Variants in DCC observed in about 807,000 individuals in gnomAD.
DCC encodes the protein netrin receptor DCC.
Under a neutral mutation model 172.5 loss-of-function variants are expected in DCC, and 58 were observed. The observed-to-expected ratio is 0.34, with a 90% CI of 0.27 to 0.42. DCC has a LOEUF of 0.42. DCC is among the 10% of genes least tolerant of loss of function. DCC has a pLI of 1.00. For missense variants in DCC, 1,740 were observed against 1,791.0 expected (o/e 0.97, Z 0.51); for synonymous variants, 709 against 644.5 (o/e 1.10, Z -1.52).
At chr18:52,785,782 T>G (rs1025711567) in intron 2 of DCC, among the ~76,000 whole-genome samples, 1 of 152,098 alleles carries the variant, frequency 6.6e-6, no homozygotes, top group African/African-American at 2.4e-5. Flanking sequence ...CTTGGCTAAA[T>G]CTTTCCTGCA....
intron 2 of DCC, among the ~76,000 whole-genome samples, chr18:52,868,702 T>G (rs921746032): frequency 6.6e-6 from 1 of 152,236 alleles, no homozygotes; most frequent in African/African-American, 2.4e-5. Flanking sequence ...TTAGGCCTGC[T>G]GGGCTCATTC....
chr18:52,420,868 G>A (rs925268003), intron 1 of DCC, among the ~76,000 whole-genome samples: 8 of 152,052 alleles, frequency 5.3e-5, no homozygotes, highest in African/African-American at 1.9e-4. Context: ...AGAGGAGAGT[G>A]TTAGCATCTG....
At chr18:52,459,426 C>A (rs182908581) in intron 1 of DCC, among the ~76,000 whole-genome samples, 127 of 151,760 alleles carry the variant, frequency 8.4e-4, no homozygotes, top group Non-Finnish European at 9.1e-4. Context: ...ATTTAGCTCC[C>A]ATTTATAAGT....
chr18:53,398,953 A>G (rs2145028451), intron 18 of DCC, among the ~76,000 whole-genome samples: 1 of 152,212 alleles, frequency 6.6e-6, no homozygotes, highest in Non-Finnish European at 1.5e-5. Flanking sequence ...GAATAAAATA[A>G]CTCTAAAGTT....
At chr18:52,674,706 T>C (rs1254238059) in intron 1 of DCC, among the ~76,000 whole-genome samples, 1 of 152,192 alleles carries the variant, frequency 6.6e-6, no homozygotes, top group African/African-American at 2.4e-5. Flanking sequence ...CCCAAATAAA[T>C]CCTACTTTAG....
intron 1 of DCC, among the ~76,000 whole-genome samples, chr18:52,733,002 A>G (rs780112415): frequency 2.0e-5 from 3 of 152,172 alleles, no homozygotes; most frequent in Admixed American, 6.5e-5. Flanking sequence ...TGCTAAGTCA[A>G]TCTTCTGTAA....
At chr18:53,138,783 A>G (rs112630680) in intron 7 of DCC, among the ~76,000 whole-genome samples, 2,344 of 152,310 alleles carry the variant, frequency 0.015, 37 homozygotes, top group African/African-American at 0.035. Flanking sequence ...TAAAGCTGCT[A>G]CTCTGATAAG....
intron 7 of DCC, among the ~76,000 whole-genome samples, chr18:53,135,061 T>C (rs1350840101): frequency 6.6e-6 from 1 of 152,132 alleles, no homozygotes; most frequent in African/African-American, 2.4e-5. Flanking sequence ...CTCTTATTCA[T>C]TTGTTTTAGT....
chr18:52,475,668 C>T (rs925949109), intron 1 of DCC, among the ~76,000 whole-genome samples: 1 of 152,052 alleles, frequency 6.6e-6, no homozygotes, highest in Non-Finnish European at 1.5e-5. Flanking sequence ...TCTGTCATAC[C>T]TTTCCGAGCT....
At chr18:53,310,196 G>C (rs1219695125) in intron 13 of DCC, among the ~76,000 whole-genome samples, 2 of 152,006 alleles carry the variant, frequency 1.3e-5, no homozygotes, top group Admixed American at 6.6e-5. Context: ...CATACTTGTA[G>C]ATTGGCTTTG....
chr18:53,125,437 C>T (rs1027049672), intron 7 of DCC, among the ~76,000 whole-genome samples: 1 of 152,046 alleles, frequency 6.6e-6, no homozygotes, highest in African/African-American at 2.4e-5. Context: ...TTGGAAAGTT[C>T]TTGCATGGTG....
chr18:52,966,245 A>C (rs1353612849), intron 5 of DCC, among the ~76,000 whole-genome samples: 1 of 152,198 alleles, frequency 6.6e-6, no homozygotes. Flanking sequence ...ATTGCTTATA[A>C]ACTCTGCTAA....
At chr18:53,001,729 G>A (rs2041566879) in intron 5 of DCC, among the ~76,000 whole-genome samples, 1 of 151,860 alleles carries the variant, frequency 6.6e-6, no homozygotes, top group African/African-American at 2.4e-5. Flanking sequence ...ATTTTATCTG[G>A]ATGAGATATG....
intron 7 of DCC, among the ~76,000 whole-genome samples, chr18:53,094,944 C>T (rs1001204967): frequency 1.3e-5 from 2 of 152,124 alleles, no homozygotes; most frequent in East Asian, 3.9e-4. Context: ...ATAATCTACT[C>T]TAGAACTCTA....
intron 1 of DCC, among the ~76,000 whole-genome samples, chr18:52,731,147 C>T (rs1034065076): frequency 1.3e-5 from 2 of 152,180 alleles, no homozygotes; most frequent in Non-Finnish European, 2.9e-5. Context: ...TTTCACCTTC[C>T]TGATGCGAGT....
In DCC at chr18:52,652,789, G is replaced by A. The variant is rs572704499; in HGVS notation, c.92-99265G>A. 2.1e-4 allele frequency among the ~76,000 whole-genome samples: 32 copies of A among 150,426 alleles called. No individual in the cohort carries two copies. In the South Asian group the frequency reaches 6.7e-3, roughly 32 times the overall value. On this transcript the variant is annotated intron_variant, in intron 1 of 28. Transcript: ENST00000442544. ...AGAGGATGGAGTAAATATTTGTGGT[G>A]GGAAAATCCTCATCAGTTTCTTTCT...
intron 2 of DCC, among the ~76,000 whole-genome samples, chr18:52,890,727 A>T (rs1450103342): frequency 6.6e-6 from 1 of 152,074 alleles, no homozygotes; most frequent in Non-Finnish European, 1.5e-5. Flanking sequence ...AAATATCGAT[A>T]TGTGTCTCAA....
At chr18:52,561,464 A>G (rs1327977488) in intron 1 of DCC, among the ~76,000 whole-genome samples, 1 of 152,050 alleles carries the variant, frequency 6.6e-6, no homozygotes, top group Non-Finnish European at 1.5e-5. Flanking sequence ...ACATATATAT[A>G]TATATACATA....
intron 12 of DCC, among the ~76,000 whole-genome samples, chr18:53,260,107 A>AT (rs934171272): frequency 2.7e-4 from 41 of 151,614 alleles, no homozygotes; most frequent in African/African-American, 8.2e-4. Flanking sequence ...CATTTGTCTA[A>AT]TTTTTTTTCA....
Sources: allele counts gnomAD v4.1 joint callset (sites outside exome capture counted in the v4.1 genomes callset), GRCh38; gene constraint gnomAD v4.1.1; transcripts MANE v1.5; gene names NCBI Gene and HGNC (gene_info 2026-07-23, HGNC 2026-07-21).